Variants in JAKMIP1 observed in about 807,000 individuals in gnomAD.
JAKMIP1 encodes janus kinase and microtubule-interacting protein 1.
In JAKMIP1, 33 loss-of-function variants were observed where a neutral mutation model predicts 113.0. The ratio of observed to expected loss-of-function variants is 0.29; its 90% CI spans 0.22 to 0.39. The LOEUF is 0.39. Ranked by LOEUF, JAKMIP1 falls within the 10% of genes least tolerant of loss-of-function variation. JAKMIP1 has a pLI of 1.00. For missense variants in JAKMIP1, 813 were observed against 1,080.5 expected (o/e 0.75, Z 3.47); for synonymous variants, 480 against 459.9 (o/e 1.04, Z -0.56).
Position 6,107,097 on chromosome 4 carries a change from A to G in JAKMIP1, c.130-1130T>C, listed in dbSNP as rs537880098. The stretch of plus-strand genomic sequence containing the variant: ...TTCACCAGATACTCACAATCATAGG[A>G]ATGAAGCCAGGCGACCAGTCCATGT... On this transcript the variant is annotated intron_variant, in intron 2 of 20. Coordinates refer to ENST00000409021, the MANE Select transcript of JAKMIP1 (RefSeq NM_001099433.2). Among the ~76,000 whole-genome samples the G allele has an allele frequency of 3.9e-5, 6 of 152,296 alleles. No homozygotes were observed. The South Asian group carries it at 1.2e-3, about 32-fold the overall frequency.
chr4:6,077,790 G>A (rs1047786976), intron 8 of JAKMIP1, among the ~76,000 whole-genome samples: 7 of 151,926 alleles, frequency 4.6e-5, no homozygotes, highest in South Asian at 4.2e-4. Context: ...GGTCTTTTTC[G>A]GTGGCTCTAA....
chr4:6,169,023 G>A (rs1272493740), intron 1 of JAKMIP1, among the ~76,000 whole-genome samples: 2 of 152,178 alleles, frequency 1.3e-5, no homozygotes, highest in African/African-American at 2.4e-5. Context: ...TCTTTCTGGG[G>A]AGATTTTAAT....
intron 11 of JAKMIP1, among the ~76,000 whole-genome samples, chr4:6,060,187 A>C (rs1305798076): frequency 6.6e-6 from 1 of 152,224 alleles, no homozygotes; most frequent in East Asian, 1.9e-4. Context: ...TGGCAAACAA[A>C]CAAAGAAAAA....
In JAKMIP1 at chr4:6,129,229, TA is replaced by T. The variant is rs1164555060; in HGVS notation, c.-147-16233del. Among the ~76,000 whole-genome samples the T allele has an allele frequency of 6.6e-6, 1 of 152,198 alleles. No homozygotes were observed. Among genetic ancestry groups the T allele is most frequent in the African/African-American group, 2.4e-5 (1 of 41,452 alleles). On this transcript the variant is annotated intron_variant, in intron 1 of 20. Coordinates refer to ENST00000409021, the MANE Select transcript of JAKMIP1 (RefSeq NM_001099433.2). This position sits in a 1 kb window ranked among gnomAD's most constrained non-coding sequence, Gnocchi z 5.4. ...GGACACAGGTTTCCTGATTCCTTGATAAAAATAGTCCCCCCTTCTGCAGAAT... is the reference window on the plus strand; with the variant it reads ...GGACACAGGTTTCCTGATTCCTTGATAAAATAGTCCCCCCTTCTGCAGAAT...
At chr4:6,084,088 C>T (rs535863501) in intron 5 of JAKMIP1, among the ~76,000 whole-genome samples, 80 of 152,124 alleles carry the variant, frequency 5.3e-4, no homozygotes, top group African/African-American at 1.8e-3. Context: ...GAGGCTGAGG[C>T]GGGCAGATCA....
At chr4:6,189,711 T>C (rs1473694354) in intron 1 of JAKMIP1, among the ~76,000 whole-genome samples, 2 of 152,068 alleles carry the variant, frequency 1.3e-5, no homozygotes, top group East Asian at 1.9e-4. Flanking sequence ...GAGGGTGGCG[T>C]AGGGCAGTGA....
intron 1 of JAKMIP1, among the ~76,000 whole-genome samples, chr4:6,174,077 T>C (rs538804309): frequency 6.6e-6 from 1 of 152,138 alleles, no homozygotes; most frequent in South Asian, 2.1e-4. Context: ...CGTACATACA[T>C]ACATACATAA....
chr4:6,105,677 C>T lies in JAKMIP1; in HGVS notation c.420G>A (p.Ala140=), dbSNP rs773875532. Residue 140 remains alanine, a synonymous_variant, in exon 3 of 21, where the codon GCG becomes GCA. Transcript: ENST00000409021. ...TALLTEAREE[A]RRAFDGERLR... is the part of the protein sequence containing the mutation. ...GGCGCTCTCCATCGAAGGCCCTGCG[C>T]GCCTCCTCGCGCGCCTCGGTCAGCA... The T allele has an allele frequency of 6.9e-6, 11 of 1,602,278 alleles. No homozygotes were observed. Among genetic ancestry groups the T allele is most frequent in the East Asian group, 2.2e-5 (1 of 44,544 alleles).
rs1420594500 is a variant in JAKMIP1, at chr4:6,106,004, G to C, written c.130-37C>G. 5 of 1,151,078 alleles carry C rather than the reference G, an allele frequency of 4.3e-6. No homozygotes were observed. In the African/African-American group the frequency reaches 8.5e-5, roughly 20 times the overall value. 71.3% of individuals were successfully genotyped at this position (1,151,078 alleles called of 1,614,324 possible). ...GCGGCGAGAGAGCCGGTCAGGGTCA[G>C]GGTCAGGGTCAGGGTCAGGGTCAGG... On this transcript the variant is annotated intron_variant, in intron 2 of 20. Coordinates refer to ENST00000409021, the MANE Select transcript of JAKMIP1 (RefSeq NM_001099433.2). The surrounding 1 kb of genome is among the most constrained non-coding windows in gnomAD (Gnocchi z 5.9).
In JAKMIP1 at chr4:6,143,228, G is replaced by C. The variant is rs866425684; in HGVS notation, c.-147-30231C>G. 6.6e-6 allele frequency among the ~76,000 whole-genome samples: 1 copy of C among 152,342 alleles called. No individual in the cohort carries two copies. On this transcript the variant is annotated intron_variant, in intron 1 of 20. Transcript: ENST00000409021. This position sits in a 1 kb window ranked among gnomAD's most constrained non-coding sequence, Gnocchi z 4.9. ...TGGTGCGTGGTAGAGTTTGCAGAAA[G>C]CACTATCTTAATTTTTGTTTTTATT...
intron 1 of JAKMIP1, among the ~76,000 whole-genome samples, chr4:6,147,301 T>C (rs150441628): frequency 3.3e-5 from 5 of 152,232 alleles, no homozygotes; most frequent in African/African-American, 1.2e-4. Context: ...TTTTGTTTTG[T>C]TTTGGTTTGG....
chr4:6,096,387 T>A (rs1379787399), intron 3 of JAKMIP1, among the ~76,000 whole-genome samples: 1 of 152,228 alleles, frequency 6.6e-6, no homozygotes, highest in African/African-American at 2.4e-5. Context: ...CTTGACAAAC[T>A]TTTTATACAC....
chr4:6,150,179 CAG>C lies in JAKMIP1; in HGVS notation c.-147-37184_-147-37183del, dbSNP rs10567052. The C allele has an allele frequency of 0.036, 5,336 of 148,090 alleles. 248 individuals carry two copies. The highest frequency in any genetic ancestry group is 0.11 in the African/African-American group (4,516 of 40,952). 9.2% of individuals were successfully genotyped at this position (148,090 alleles called of 1,614,324 possible). A position where few individuals can be genotyped will look rare whatever the true frequency, so the allele number is the denominator to read the frequency against. On this transcript the variant is annotated intron_variant, in intron 1 of 20. Transcript: ENST00000409021. The surrounding 1 kb of genome is among the most constrained non-coding windows in gnomAD (Gnocchi z 4.8). ...CACAGCACAGAACATTCTCCTCCAT[CAG>C]AGAGAGAGAGAGAGAGAAGAAAGTG...
In JAKMIP1 at chr4:6,139,381, G is replaced by A. The variant is rs1180015858; in HGVS notation, c.-147-26384C>T. On this transcript the variant is annotated intron_variant, in intron 1 of 20. Coordinates refer to ENST00000409021, the MANE Select transcript of JAKMIP1 (RefSeq NM_001099433.2). The surrounding 1 kb of genome is among the most constrained non-coding windows in gnomAD (Gnocchi z 5.2). ...CTAACCCCCAGTACCCTCAGAGGTGGTCTTATGGGAAACAGGGTCTTTACT... is the reference window on the plus strand; with the variant it reads ...CTAACCCCCAGTACCCTCAGAGGTGATCTTATGGGAAACAGGGTCTTTACT... Among the ~76,000 whole-genome samples the A allele has an allele frequency of 1.3e-5, 2 of 152,152 alleles. No homozygotes were observed. The highest frequency in any genetic ancestry group is 4.8e-5 in the African/African-American group (2 of 41,406).
chr4:6,098,880 G>A (rs1712523705), intron 3 of JAKMIP1, among the ~76,000 whole-genome samples: 1 of 152,210 alleles, frequency 6.6e-6, no homozygotes, highest in Non-Finnish European at 1.5e-5. Flanking sequence ...TAGCACCTTA[G>A]ATTAGTTTTT....
rs183447044 is a variant in JAKMIP1 at position 6,192,161 on chromosome 4, G to C, written c.-148+8092C>G. ...TTGGCCAGGCTGGTCTTGAACTCCT[G>C]ACCTCAGGTGATCCACCCTCCTCAG... is the stretch of plus-strand genomic sequence containing the variant. On this transcript the variant is annotated intron_variant, in intron 1 of 20. Coordinates refer to ENST00000409021, the MANE Select transcript of JAKMIP1 (RefSeq NM_001099433.2). The surrounding 1 kb of genome is among the most constrained non-coding windows in gnomAD (Gnocchi z 5.0). Among the ~76,000 whole-genome samples, 542 of 152,196 alleles carry C rather than the reference G, an allele frequency of 3.6e-3. 1 individual carries two copies. The highest frequency in any genetic ancestry group is 6.3e-3 in the Non-Finnish European group (428 of 68,006).
chr4:6,069,842 T>C lies in JAKMIP1; in HGVS notation c.1303-4834A>G, dbSNP rs2108801239. On this transcript the variant is annotated intron_variant, in intron 8 of 20. Coordinates refer to ENST00000409021, the MANE Select transcript of JAKMIP1 (RefSeq NM_001099433.2). The surrounding 1 kb of genome is among the most constrained non-coding windows in gnomAD (Gnocchi z 4.5). ...TTACACTTTGCATATACAGAGGTGC[T>C]CTTCCTCAGCGGGTCAGATGAAGCA... Among the ~76,000 whole-genome samples the C allele has an allele frequency of 6.6e-6, 1 of 151,886 alleles. No homozygotes were observed. The highest frequency in any genetic ancestry group is 2.4e-5 in the African/African-American group (1 of 41,370).
chr4:6,158,945 G>A lies in JAKMIP1; in HGVS notation c.-148+41308C>T, dbSNP rs4689348. ...CTCTACAAAAAATACAAAAATTAGC[G>A]GGGCATAGTGGCATGCACCTATAGT... On this transcript the variant is annotated intron_variant, in intron 1 of 20. Coordinates refer to ENST00000409021, the MANE Select transcript of JAKMIP1 (RefSeq NM_001099433.2). The surrounding 1 kb of genome is among the most constrained non-coding windows in gnomAD (Gnocchi z 5.3). 3.3e-5 allele frequency among the ~76,000 whole-genome samples: 5 copies of A among 151,830 alleles called. No individual in the cohort carries two copies. Among genetic ancestry groups the A allele is most frequent in the African/African-American group, 7.3e-5 (3 of 41,290 alleles).
At chr4:6,119,583 CT>C (rs1401439402) in intron 1 of JAKMIP1, among the ~76,000 whole-genome samples, 1 of 151,932 alleles carries the variant, frequency 6.6e-6, no homozygotes, top group African/African-American at 2.4e-5. Flanking sequence ...AAAAAAACCA[CT>C]CCTGGGACAC....
Sources: allele counts gnomAD v4.1 joint callset (sites outside exome capture counted in the v4.1 genomes callset), GRCh38; gene constraint gnomAD v4.1.1; non-coding constraint Gnocchi (gnomAD v3.1); transcripts MANE v1.5; gene names NCBI Gene and HGNC (gene_info 2026-07-23, HGNC 2026-07-21).